The following NEK11 variants were observed in gnomAD, a reference collection of about 807,000 sequenced individuals.
NEK11 encodes the protein NIMA related kinase 11.
Under a neutral mutation model 80.7 loss-of-function variants are expected in NEK11, and 72 were observed. The ratio of observed to expected loss-of-function variants is 0.89; its 90% CI spans 0.74 to 1.08. The LOEUF is 1.08. Among genes scored for constraint, NEK11 ranks in the 50% least tolerant of loss-of-function variants. NEK11 has a pLI of 0.00. For missense variants in NEK11, 764 were observed against 763.6 expected, an observed-to-expected ratio of 1.00 and a Z score of -0.01; for synonymous variants, 251 against 260.7, an observed-to-expected ratio of 0.96 and a Z score of 0.36.
At chr3:131,248,054 A>T (rs2095634853) in intron 16 of NEK11, among the ~76,000 whole-genome samples, 1 of 151,896 alleles carries the variant, frequency 6.6e-6, no homozygotes, top group South Asian at 2.1e-4. Context: ...AGATAATTTG[A>T]CTTTCTTTTT....
rs139835632 is a variant in NEK11 at position 131,093,068 on chromosome 3, C to A, written c.336+12480C>A. The A allele has an allele frequency of 2.0e-3, 301 of 152,278 alleles. 1 individual carries two copies. Among genetic ancestry groups the A allele is most frequent in the African/African-American group, 6.8e-3 (282 of 41,536 alleles). 9.4% of individuals were successfully genotyped at this position (152,278 alleles called of 1,614,324 possible). Reference sequence around the variant, plus strand: ...TTTCCACTTGAGACAAGGAGTTGCCCACACATATGGTTGATCATTAAATCC... The same window carrying A: ...TTTCCACTTGAGACAAGGAGTTGCCAACACATATGGTTGATCATTAAATCC... On this transcript the variant is annotated intron_variant, in intron 4 of 17. Transcript: ENST00000383366.
chr3:131,155,680 C>T (rs2090532124), intron 10 of NEK11, among the ~76,000 whole-genome samples: 1 of 152,142 alleles, frequency 6.6e-6, no homozygotes, highest in East Asian at 1.9e-4. Flanking sequence ...TGCAAGAACC[C>T]AGAATACTAG....
chr3:131,155,740 G>A (rs1300725944), intron 10 of NEK11, among the ~76,000 whole-genome samples: 1 of 152,098 alleles, frequency 6.6e-6, no homozygotes, highest in African/African-American at 2.4e-5. Context: ...GCACAACTAT[G>A]GTATACAGGA....
chr3:131,337,832 TTA>T (rs1287833364), intron 17 of NEK11, among the ~76,000 whole-genome samples: 1 of 152,198 alleles, frequency 6.6e-6, no homozygotes, highest in Non-Finnish European at 1.5e-5. Context: ...GTTAAGATAC[TTA>T]ACATCTGTGC....
chr3:131,069,773 A>G (rs2072893713), intron 3 of NEK11, among the ~76,000 whole-genome samples: 1 of 151,196 alleles, frequency 6.6e-6, no homozygotes, highest in South Asian at 2.1e-4. Context: ...TGGGAACTGA[A>G]CAATGAGATC....
intron 5 of NEK11, among the ~76,000 whole-genome samples, chr3:131,117,742 G>T (rs1195282709): frequency 1.3e-5 from 2 of 152,138 alleles, no homozygotes; most frequent in Non-Finnish European, 2.9e-5. Context: ...TGAAGCAATT[G>T]TGAATGGGAA....
chr3:131,249,813 A>G (rs2095667627), intron 16 of NEK11, among the ~76,000 whole-genome samples: 2 of 152,136 alleles, frequency 1.3e-5, no homozygotes. Context: ...GAATCTGCAG[A>G]AAGAGCTTAA....
At chr3:131,266,724 G>T (rs1215015249) in intron 16 of NEK11, among the ~76,000 whole-genome samples, 2 of 152,188 alleles carry the variant, frequency 1.3e-5, no homozygotes, top group East Asian at 1.9e-4. Flanking sequence ...TATTAGGTCT[G>T]CCTGGTCCAG....
chr3:131,262,191 A>C (rs949439576), intron 16 of NEK11, among the ~76,000 whole-genome samples: 4 of 152,182 alleles, frequency 2.6e-5, no homozygotes, highest in Non-Finnish European at 5.9e-5. Context: ...GAAATGGACA[A>C]ATTTCTAGAA....
intron 16 of NEK11, among the ~76,000 whole-genome samples, chr3:131,249,998 T>C (rs193012649): frequency 7.4e-4 from 112 of 152,100 alleles, no homozygotes; most frequent in Non-Finnish European, 1.4e-3. Flanking sequence ...AAAAGTTTTT[T>C]AAAATAAAAA....
chr3:131,121,397 A>G (rs976230917), intron 5 of NEK11, among the ~76,000 whole-genome samples: 9 of 152,252 alleles, frequency 5.9e-5, no homozygotes, highest in Admixed American at 2.6e-4. Flanking sequence ...GTTGGCCCCT[A>G]CTGGGATGTG....
intron 17 of NEK11, chr3:131,327,844 C>G (rs1370473699): frequency 6.6e-6 from 1 of 151,598 alleles, no homozygotes; most frequent in East Asian, 1.9e-4. Flanking sequence ...GTTCTCTACT[C>G]TCTCTCCTAT....
At chr3:131,208,850 T>G in intron 14 of NEK11, among the ~76,000 whole-genome samples, 1 of 152,230 alleles carries the variant, frequency 6.6e-6, no homozygotes, top group South Asian at 2.1e-4. Context: ...CTTATCAGTT[T>G]AAGGAGATTT....
chr3:131,336,095 C>T (rs182354605), intron 17 of NEK11, among the ~76,000 whole-genome samples: 186 of 152,338 alleles, frequency 1.2e-3, no homozygotes, highest in Non-Finnish European at 2.1e-3. Context: ...CAATGACTTT[C>T]TTCACAGAAT....
rs1282372070 is a variant in NEK11 at position 131,097,852 on chromosome 3, A to G, written c.337-11951A>G. The stretch of plus-strand genomic sequence containing the variant: ...AAAAAAGAGCCCGCATCGCCAAGTC[A>G]ATCCTAAGCCAAAAGAACAAAGCTG... On this transcript the variant is annotated intron_variant, in intron 4 of 17. Transcript: ENST00000383366. Among the ~76,000 whole-genome samples the G allele has an allele frequency of 1.4e-5, 2 of 143,850 alleles. 1 individual carries two copies. The highest frequency in any genetic ancestry group is 3.1e-5 in the Non-Finnish European group (2 of 63,682). 94.4% of individuals were successfully genotyped at this position (143,850 alleles called of 152,430 possible).
chr3:131,343,650 T>G (rs2097318763), intron 17 of NEK11, among the ~76,000 whole-genome samples: 1 of 152,206 alleles, frequency 6.6e-6, no homozygotes, highest in Non-Finnish European at 1.5e-5. Flanking sequence ...CAAGCCACTT[T>G]CACTCTTGCA....
chr3:131,180,366 A>G (rs769090584), intron 14 of NEK11, among the ~76,000 whole-genome samples: 1 of 152,160 alleles, frequency 6.6e-6, no homozygotes, highest in Non-Finnish European at 1.5e-5. Context: ...ATATAATTGA[A>G]TCATGTGAAA....
chr3:131,296,088 G>C (rs1249342527), intron 17 of NEK11, among the ~76,000 whole-genome samples: 1 of 151,988 alleles, frequency 6.6e-6, no homozygotes, highest in Non-Finnish European at 1.5e-5. Flanking sequence ...CCATTCACCT[G>C]CGTTGGCCTC....
chr3:131,113,455 A>G (rs972224576), intron 5 of NEK11, among the ~76,000 whole-genome samples: 2 of 152,198 alleles, frequency 1.3e-5, no homozygotes, highest in Non-Finnish European at 2.9e-5. Context: ...ATCAGAAGCC[A>G]ATAAGTGGGA....
Sources: allele counts gnomAD v4.1 joint callset (sites outside exome capture counted in the v4.1 genomes callset), GRCh38; gene constraint gnomAD v4.1.1; transcripts MANE v1.5; gene names NCBI Gene and HGNC (gene_info 2026-07-23, HGNC 2026-07-21).